PARVA: variants seen among roughly 807,000 people sequenced by gnomAD.
PARVA encodes the protein parvin alpha, also known as alpha-parvin.
PARVA carries 25 observed loss-of-function variants against 52.6 expected under a neutral mutation model. The observed-to-expected ratio is 0.48, with a 90% CI of 0.35 to 0.66. The LOEUF (loss-of-function observed/expected upper bound fraction) is 0.66. Among genes scored for constraint, PARVA ranks in the 30% least tolerant of loss-of-function variants. The pLI, the probability that PARVA is intolerant of heterozygous loss-of-function variation, is 0.01. For synonymous variants in PARVA, 185 were observed against 179.1 expected, an observed-to-expected ratio of 1.03 and a Z score of -0.26; for missense variants, 373 against 450.9, an observed-to-expected ratio of 0.83 and a Z score of 1.56.
chr11:12,425,513 CCTTTTT>C (rs1176546251), intron 1 of PARVA, among the ~76,000 whole-genome samples: 1 of 152,168 alleles, frequency 6.6e-6, no homozygotes, highest in African/African-American at 2.4e-5. Context: ...CAGAGAATGC[CCTTTTT>C]CTTTTCACCT....
At chr11:12,521,922 G>A (rs963373714) in intron 12 of PARVA, among the ~76,000 whole-genome samples, 1 of 152,106 alleles carries the variant, frequency 6.6e-6, no homozygotes, top group African/African-American at 2.4e-5. Context: ...TCTCCATTTC[G>A]AGCCTCCAGA....
At chr11:12,416,868 G>A (rs536809266) in intron 1 of PARVA, among the ~76,000 whole-genome samples, 3 of 152,232 alleles carry the variant, frequency 2.0e-5, no homozygotes, top group East Asian at 1.9e-4. Flanking sequence ...AAGGTGGGTC[G>A]TTAAGTCTAA....
At chr11:12,511,371 T>G in intron 7 of PARVA, 143 bp from the exon 8 acceptor site, 1 of 787,700 alleles carries the variant, frequency 1.3e-6, no homozygotes, top group Non-Finnish European at 2.1e-6. Context: ...AAGGAGGCTT[T>G]TTGAGCTCCT....
At chr11:12,511,458 C>A (rs1196913038) in intron 7 of PARVA, 56 bp from the exon 8 acceptor site, 11 of 1,572,904 alleles carry the variant, frequency 7.0e-6, no homozygotes, top group Non-Finnish European at 9.6e-6. Flanking sequence ...AGAGGACTGG[C>A]CTCTTATAAG....
At chr11:12,400,272 GT>G (rs1448640685) in intron 1 of PARVA, among the ~76,000 whole-genome samples, 1 of 151,978 alleles carries the variant, frequency 6.6e-6, no homozygotes, top group Non-Finnish European at 1.5e-5. Flanking sequence ...AACTTTAATT[GT>G]TTTTATTTGA....
Position 12,399,184 on chromosome 11 carries a change from A to G in PARVA, c.136+21401A>G, listed in dbSNP as rs1939791245. ...TTCTATAGAAAAGTTTTCCAAACAT[A>G]GCAGTCCACTGACATTTACTTTTCT... On this transcript the variant is annotated intron_variant, in intron 1 of 12. Coordinates refer to ENST00000334956, the MANE Select transcript of PARVA (RefSeq NM_018222.5). Among the ~76,000 whole-genome samples the G allele has an allele frequency of 2.0e-5, 3 of 152,238 alleles. No homozygotes were observed. The South Asian group carries it at 6.2e-4, about 32-fold the overall frequency.
intron 5 of PARVA, among the ~76,000 whole-genome samples, chr11:12,497,762 T>C (rs1209440942): frequency 6.6e-6 from 1 of 152,144 alleles, no homozygotes; most frequent in Non-Finnish European, 1.5e-5. Context: ...CCAGGAATGC[T>C]AGTATTGTCA....
upstream of PARVA, chr11:12,376,706 C>G (rs1340167329): frequency 4.1e-6 from 4 of 983,836 alleles, no homozygotes; most frequent in African/African-American, 5.2e-5. Flanking sequence ...GACAGAAGGA[C>G]AAAGAGCCAG....
chr11:12,501,271 A>C (rs555995030), intron 5 of PARVA, among the ~76,000 whole-genome samples: 13 of 152,234 alleles, frequency 8.5e-5, no homozygotes, highest in Non-Finnish European at 1.3e-4. Context: ...ATGTATATTT[A>C]TAGCTATGTA....
chr11:12,512,999 T>C (rs1374658734), intron 8 of PARVA, among the ~76,000 whole-genome samples: 1 of 152,190 alleles, frequency 6.6e-6, no homozygotes, highest in South Asian at 2.1e-4. Context: ...TAGGATATAA[T>C]GGAATACAAT....
chr11:12,467,857 A>T (rs1386406434), intron 1 of PARVA, among the ~76,000 whole-genome samples: 1 of 152,166 alleles, frequency 6.6e-6, no homozygotes, highest in African/African-American at 2.4e-5. Context: ...TGGAGAATAG[A>T]TGAATTCAAG....
At chr11:12,393,043 T>TGAAAAAAAAAAAAAAAAAAAAAAAAAAA (rs1939682952) in intron 1 of PARVA, among the ~76,000 whole-genome samples, 1 of 78,592 alleles carries the variant, frequency 1.3e-5, no homozygotes. Context: ...CCCCAAATTG[T>TGAAAAAAAAAAAAAAAAAAAAAAAAAAA]GAAAAAAAAA....
At chr11:12,425,064 A>G (rs550335091) in intron 1 of PARVA, among the ~76,000 whole-genome samples, 1 of 152,202 alleles carries the variant, frequency 6.6e-6, no homozygotes, top group Non-Finnish European at 1.5e-5. Context: ...TCAAGATCTT[A>G]TTTATATAAC....
chr11:12,454,576 T>TA (rs55992909), intron 1 of PARVA, among the ~76,000 whole-genome samples: 40,177 of 142,672 alleles, frequency 0.28, 5,995 homozygotes, highest in African/African-American at 0.41. Flanking sequence ...AAGTATCATT[T>TA]AAAAAAAAAA....
intron 1 of PARVA, among the ~76,000 whole-genome samples, chr11:12,414,192 G>A (rs1229716757): frequency 2.6e-5 from 4 of 152,062 alleles, no homozygotes; most frequent in African/African-American, 4.8e-5. Flanking sequence ...TTTTCCCTTC[G>A]GCAGTGTTTG....
At position 12,432,166 on chromosome 11, in the gene PARVA, C is replaced by CT. The variant is rs749771766; in HGVS notation, c.137-41573dup. On this transcript the variant is annotated intron_variant, in intron 1 of 12. Coordinates refer to ENST00000334956, the MANE Select transcript of PARVA (RefSeq NM_018222.5). The stretch of plus-strand genomic sequence containing the variant: ...TTACTACTATAGTTGAGTAGTGACT[C>CT]TTTTTTCCTCATTTTCTTTCTCACC... Among the ~76,000 whole-genome samples the CT allele has an allele frequency of 8.5e-5, 13 of 152,286 alleles. No homozygotes were observed. The South Asian group carries it at 2.7e-3, about 32-fold the overall frequency.
At chr11:12,390,785 C>A (rs73409492) in intron 1 of PARVA, among the ~76,000 whole-genome samples, 3,054 of 152,258 alleles carry the variant, frequency 0.02, 85 homozygotes, top group African/African-American at 0.07. Context: ...GTGAGGCAGA[C>A]CTGCAGATGA....
intron 4 of PARVA, chr11:12,478,190 G>C (rs1941041395): frequency 1.7e-6 from 1 of 590,124 alleles, no homozygotes; most frequent in African/African-American, 1.8e-5. Context: ...TAGCAGCCAA[G>C]AATCATCAGC....
chr11:12,523,679 G>A (rs1187113660), intron 12 of PARVA, among the ~76,000 whole-genome samples: 3 of 152,128 alleles, frequency 2.0e-5, no homozygotes, highest in Non-Finnish European at 2.9e-5. Context: ...TATCTCTAGA[G>A]CCACCTCTTC....
Sources: gnomAD v4.1 joint callset for allele counts (sites outside exome capture counted in the v4.1 genomes callset) on GRCh38, gnomAD v4.1.1 for gene constraint, MANE v1.5 for transcripts, NCBI Gene and HGNC (gene_info 2026-07-23, HGNC 2026-07-21) for gene names.